Variants in EPB41L4B observed in about 807,000 individuals in gnomAD.
EPB41L4B encodes the protein erythrocyte membrane protein band 4.1 like 4B, also known as band 4.1-like protein 4B.
EPB41L4B carries 30 observed loss-of-function variants against 112.5 expected under a neutral mutation model. The ratio of observed to expected loss-of-function variants is 0.27; its 90% confidence interval spans 0.20 to 0.36. EPB41L4B has a LOEUF of 0.36. EPB41L4B is among the 10% of genes least tolerant of loss of function. EPB41L4B has a pLI of 1.00. For synonymous variants in EPB41L4B, 408 were observed against 439.7 expected (o/e 0.93, Z 0.90); for missense variants, 1,024 against 1,133.3 (o/e 0.90, Z 1.38).
At chr9:109,307,872 G>A (rs908736499) in intron 1 of EPB41L4B, among the ~76,000 whole-genome samples, 9 of 152,194 alleles carry the variant, frequency 5.9e-5, no homozygotes, top group Admixed American at 2.6e-4. Context: ...GCTGGATGTC[G>A]CTCATAAGCG....
chr9:109,177,865 T>C (rs1831900703), intron 24 of EPB41L4B, among the ~76,000 whole-genome samples: 1 of 152,036 alleles, frequency 6.6e-6, no homozygotes, highest in South Asian at 2.1e-4. Flanking sequence ...CATAATTCCT[T>C]ACTGTTGCCA....
intron 2 of EPB41L4B, among the ~76,000 whole-genome samples, chr9:109,268,896 C>CAGAA (rs1835507102): frequency 9.4e-6 from 1 of 106,754 alleles, no homozygotes; most frequent in African/African-American, 3.7e-5. Context: ...AACTCCGTCT[C>CAGAA]AAAAAAAAAA....
At chr9:109,223,101 A>G (rs1169753776) in intron 15 of EPB41L4B, among the ~76,000 whole-genome samples, 1 of 152,064 alleles carries the variant, frequency 6.6e-6, no homozygotes, top group Non-Finnish European at 1.5e-5. Flanking sequence ...CCTCTCCCTG[A>G]CCCTGGACTG....
chr9:109,207,008 C>T (rs1017004286), intron 18 of EPB41L4B, among the ~76,000 whole-genome samples: 2 of 152,238 alleles, frequency 1.3e-5, no homozygotes, highest in African/African-American at 4.8e-5. Flanking sequence ...GACATATCAG[C>T]ACCAGCCAGC....
intron 15 of EPB41L4B, among the ~76,000 whole-genome samples, chr9:109,242,350 A>C (rs1023137437): frequency 1.3e-5 from 2 of 152,236 alleles, no homozygotes; most frequent in Non-Finnish European, 2.9e-5. Context: ...GGCCCACCCC[A>C]GAGAGGCACT....
In EPB41L4B at chr9:109,256,200, G is replaced by A. The variant is rs1834977421; in HGVS notation, c.865C>T (p.Leu289Phe). The change falls in exon 9 of 26, where the codon CTT becomes TTT. Residue 289 changes from leucine (L) to phenylalanine (F), a missense_variant. Physicochemically the swap from Leu to Phe is conservative, Grantham distance 22. Coordinates refer to ENST00000374566, the MANE Select transcript of EPB41L4B (RefSeq NM_019114.5). ...VRGRDGCEYS[L>F]GLTPTGILIF... Reference sequence around the variant, plus strand: ...AATATGCCTGTCGGGGTCAGTCCAAGAGAATATTCACAGCCATCTCTTCCC... The same window carrying A: ...AATATGCCTGTCGGGGTCAGTCCAAAAGAATATTCACAGCCATCTCTTCCC... 1 of 1,614,046 alleles carries A rather than the reference G, an allele frequency of 6.2e-7. No individual in the cohort carries two copies. Among genetic ancestry groups the A allele is most frequent in the Non-Finnish European group, 8.5e-7 (1 of 1,180,004 alleles).
intron 3 of EPB41L4B, 128 bp downstream of exon 3, chr9:109,268,263 C>A (rs774813334): frequency 6.3e-6 from 5 of 795,810 alleles, no homozygotes; most frequent in Non-Finnish European, 9.8e-6. Flanking sequence ...AAAAATCATC[C>A]ACTTAATACC....
chr9:109,210,124 C>A (rs958602852), intron 17 of EPB41L4B, among the ~76,000 whole-genome samples: 92 of 152,148 alleles, frequency 6.0e-4, no homozygotes, highest in African/African-American at 2.2e-3. Context: ...CACTAATGAT[C>A]GATCCTGAGC....
At chr9:109,267,159 AT>A (rs1356039233) in intron 4 of EPB41L4B, among the ~76,000 whole-genome samples, 1 of 152,186 alleles carries the variant, frequency 6.6e-6, no homozygotes, top group Non-Finnish European at 1.5e-5. Flanking sequence ...CTTTTCCAAT[AT>A]CTGCCTTCCC....
At chr9:109,176,903 G>A (rs572652221) in intron 24 of EPB41L4B, among the ~76,000 whole-genome samples, 42 of 152,274 alleles carry the variant, frequency 2.8e-4, no homozygotes, top group African/African-American at 9.4e-4. Flanking sequence ...TTAAGGTAGC[G>A]ATTATATTTC....
intron 19 of EPB41L4B, among the ~76,000 whole-genome samples, chr9:109,202,809 C>A (rs1386558573): frequency 6.6e-6 from 1 of 152,166 alleles, no homozygotes; most frequent in Admixed American, 6.6e-5. Context: ...GACTTCACTA[C>A]CGTGCAATCT....
At chr9:109,266,497 C>T (rs1428780648) in intron 4 of EPB41L4B, among the ~76,000 whole-genome samples, 1 of 152,194 alleles carries the variant, frequency 6.6e-6, no homozygotes, top group Non-Finnish European at 1.5e-5. Flanking sequence ...TGCAGTCCAT[C>T]ACACAAACAA....
At chr9:109,281,473 C>T (rs1335881305) in intron 1 of EPB41L4B, among the ~76,000 whole-genome samples, 2 of 152,108 alleles carry the variant, frequency 1.3e-5, no homozygotes, top group South Asian at 2.1e-4. Flanking sequence ...GAGTCTGAGG[C>T]GGGCAGATCA....
At chr9:109,184,377 G>T (rs578144817) in intron 23 of EPB41L4B, among the ~76,000 whole-genome samples, 85 of 152,286 alleles carry the variant, frequency 5.6e-4, no homozygotes, top group Non-Finnish European at 7.3e-4. Context: ...GTGCCACGAT[G>T]CCCAGCTAAC....
At chr9:109,273,183 A>G (rs1229418494) in intron 2 of EPB41L4B, among the ~76,000 whole-genome samples, 1 of 152,096 alleles carries the variant, frequency 6.6e-6, no homozygotes, top group Non-Finnish European at 1.5e-5. Flanking sequence ...GCACGTGGGC[A>G]GGAAAACACT....
chr9:109,306,948 C>T (rs763498539), intron 1 of EPB41L4B, among the ~76,000 whole-genome samples: 6 of 151,870 alleles, frequency 4.0e-5, no homozygotes, highest in Admixed American at 6.6e-5. Flanking sequence ...TTTAGAGCAA[C>T]GCCCATACAT....
At chr9:109,296,524 G>C (rs1836735422) in intron 1 of EPB41L4B, among the ~76,000 whole-genome samples, 1 of 152,158 alleles carries the variant, frequency 6.6e-6, no homozygotes, top group African/African-American at 2.4e-5. Flanking sequence ...GGTTTGGCCT[G>C]GGTTCACCTA....
At chr9:109,270,766 C>T (rs1237323881) in intron 2 of EPB41L4B, among the ~76,000 whole-genome samples, 1 of 152,176 alleles carries the variant, frequency 6.6e-6, no homozygotes, top group East Asian at 1.9e-4. Context: ...TCTCCCTCTA[C>T]TGTCAAAGTC....
intron 18 of EPB41L4B, among the ~76,000 whole-genome samples, chr9:109,204,723 C>T (rs1390159739): frequency 6.6e-6 from 1 of 152,148 alleles, no homozygotes; most frequent in African/African-American, 2.4e-5. Flanking sequence ...TCTTGAACTC[C>T]TGGGCTCAAG....
Sources: allele counts gnomAD v4.1 joint callset (sites outside exome capture counted in the v4.1 genomes callset), GRCh38; gene constraint gnomAD v4.1.1; transcripts MANE v1.5; gene names NCBI Gene and HGNC (gene_info 2026-07-23, HGNC 2026-07-21).